Variants in CAPZB observed in about 807,000 individuals in gnomAD.
The protein encoded by CAPZB is F-actin-capping protein subunit beta.
In CAPZB, 2 loss-of-function variants were observed where a neutral mutation model predicts 38.1. The observed-to-expected ratio is 0.05, with a 90% CI of 0.02 to 0.17. The LOEUF (loss-of-function observed/expected upper bound fraction) is 0.17. CAPZB is among the 10% of genes least tolerant of loss of function. CAPZB has a pLI of 1.00. For missense variants in CAPZB, 161 were observed against 334.2 expected (o/e 0.48, Z 4.04); for synonymous variants, 107 against 127.4 (o/e 0.84, Z 1.08).
At chr1:19,468,858 C>T (rs892307391) in intron 1 of CAPZB, among the ~76,000 whole-genome samples, 7 of 152,208 alleles carry the variant, frequency 4.6e-5, no homozygotes, top group Non-Finnish European at 1.0e-4. Context: ...GCCCTCTCAC[C>T]TCCACTTCAA....
At chr1:19,373,914 C>T (rs978889267) in intron 4 of CAPZB, among the ~76,000 whole-genome samples, 7 of 152,018 alleles carry the variant, frequency 4.6e-5, no homozygotes, top group South Asian at 2.1e-4. Flanking sequence ...AGGCTGGTCT[C>T]GAGCTCCCGG....
At chr1:19,435,723 T>C (rs1248828948) in intron 1 of CAPZB, among the ~76,000 whole-genome samples, 3 of 152,086 alleles carry the variant, frequency 2.0e-5, no homozygotes, top group Admixed American at 2.0e-4. Context: ...GCTTACACAT[T>C]TAAATGGATG....
chr1:19,432,855 A>T (rs544376849), intron 1 of CAPZB, among the ~76,000 whole-genome samples: 1 of 152,336 alleles, frequency 6.6e-6, no homozygotes, highest in African/African-American at 2.4e-5. Flanking sequence ...ACAACTTGCA[A>T]GCTCACAAAA....
At chr1:19,466,443 G>A (rs764971169) in intron 1 of CAPZB, among the ~76,000 whole-genome samples, 1 of 152,248 alleles carries the variant, frequency 6.6e-6, no homozygotes, top group Non-Finnish European at 1.5e-5. Context: ...TAGATCACAT[G>A]TCTAGGTCAG....
intron 2 of CAPZB, among the ~76,000 whole-genome samples, chr1:19,394,567 A>G (rs2094255669): frequency 6.6e-6 from 1 of 152,132 alleles, no homozygotes; most frequent in South Asian, 2.1e-4. Flanking sequence ...CTAAAAATAC[A>G]AAAATTAGCC....
chr1:19,460,098 T>C (rs1055568454), intron 1 of CAPZB, among the ~76,000 whole-genome samples: 1 of 152,212 alleles, frequency 6.6e-6, no homozygotes, highest in Non-Finnish European at 1.5e-5. Flanking sequence ...CTGAGGTTAC[T>C]AAGATCTACA....
At chr1:19,399,519 G>T (rs996712199) in intron 2 of CAPZB, among the ~76,000 whole-genome samples, 1 of 152,152 alleles carries the variant, frequency 6.6e-6, no homozygotes, top group Non-Finnish European at 1.5e-5. Context: ...GTACTGCAGG[G>T]ACTTGCCACT....
intron 1 of CAPZB, among the ~76,000 whole-genome samples, chr1:19,455,397 C>T (rs772955544): frequency 1.4e-4 from 21 of 152,326 alleles, no homozygotes; most frequent in Middle Eastern, 3.4e-3. Context: ...TAGAAGAGGA[C>T]GATGAGAGAA....
chr1:19,391,558 CA>C (rs1378762257), intron 2 of CAPZB, among the ~76,000 whole-genome samples: 2 of 152,092 alleles, frequency 1.3e-5, no homozygotes, highest in Admixed American at 6.6e-5. Context: ...CCAGAAGGCC[CA>C]AAACTTTCTT....
At chr1:19,475,403 C>T (rs1450337121) in intron 1 of CAPZB, among the ~76,000 whole-genome samples, 2 of 152,196 alleles carry the variant, frequency 1.3e-5, no homozygotes, top group African/African-American at 2.4e-5. Flanking sequence ...AGTGTGACTT[C>T]AGGCCAAGCG....
intron 2 of CAPZB, among the ~76,000 whole-genome samples, chr1:19,395,770 A>C (rs1184237224): frequency 6.6e-6 from 1 of 152,212 alleles, no homozygotes; most frequent in Non-Finnish European, 1.5e-5. Context: ...GCTGCTTTTA[A>C]TTAAGGACTC....
intron 4 of CAPZB, among the ~76,000 whole-genome samples, chr1:19,377,844 G>A (rs1234441168): frequency 2.0e-5 from 3 of 152,240 alleles, no homozygotes; most frequent in African/African-American, 4.8e-5. Context: ...GGAGCAGGAA[G>A]AAATCTCAAC....
intron 1 of CAPZB, among the ~76,000 whole-genome samples, chr1:19,477,128 A>T (rs59252651): frequency 0.064 from 9,796 of 152,332 alleles, 1,034 homozygotes; most frequent in African/African-American, 0.22. Flanking sequence ...TGGCAGAAGG[A>T]AGGGGCCACT....
At chr1:19,422,210 A>AT (rs1413799810) in intron 1 of CAPZB, among the ~76,000 whole-genome samples, 32 of 152,140 alleles carry the variant, frequency 2.1e-4, no homozygotes, top group Non-Finnish European at 4.1e-4. Context: ...GTATGGAGAC[A>AT]TTTTTGTCAC....
In CAPZB at chr1:19,381,684, A is replaced by ATTT. The variant is rs869210528; in HGVS notation, c.216-3034_216-3032dup. Reference sequence around the variant, plus strand: ...AGGCATGTACCACCATGCCCAGCTAATTTTTTTTTTTTTTTTTTTTTTTTT... The same window carrying ATTT: ...AGGCATGTACCACCATGCCCAGCTAATTTTTTTTTTTTTTTTTTTTTTTTTTTT... On this transcript the variant is annotated intron_variant, in intron 3 of 8. Transcript: ENST00000264202. Among the ~76,000 whole-genome samples the ATTT allele has an allele frequency of 6.8e-3, 571 of 84,540 alleles. 31 individuals are homozygous for ATTT. The highest frequency in any genetic ancestry group is 0.016 in the African/African-American group (339 of 21,040). 55.5% of individuals were successfully genotyped at this position (84,540 alleles called of 152,430 possible).
intron 6 of CAPZB, among the ~76,000 whole-genome samples, chr1:19,352,968 A>G (rs1419776003): frequency 6.6e-6 from 1 of 152,246 alleles, no homozygotes; most frequent in Non-Finnish European, 1.5e-5. Context: ...GGCACAGGGC[A>G]TAGCCTGATG....
intron 2 of CAPZB, among the ~76,000 whole-genome samples, chr1:19,404,180 C>T (rs1480158916): frequency 7.1e-6 from 1 of 141,616 alleles, no homozygotes; most frequent in Non-Finnish European, 1.5e-5. Flanking sequence ...TTGCAGTGAG[C>T]CAAGATCGTA....
intron 1 of CAPZB, among the ~76,000 whole-genome samples, chr1:19,455,650 G>C (rs2094530803): frequency 6.6e-6 from 1 of 152,108 alleles, no homozygotes; most frequent in Non-Finnish European, 1.5e-5. Flanking sequence ...TGGGCCTTTG[G>C]ATTTGCATCC....
At chr1:19,443,277 T>C (rs1264457742) in intron 1 of CAPZB, among the ~76,000 whole-genome samples, 1 of 151,648 alleles carries the variant, frequency 6.6e-6, no homozygotes, top group African/African-American at 2.4e-5. Flanking sequence ...GTGCCTGTAG[T>C]CCCAGCTACT....
Sources: gnomAD v4.1 joint callset for allele counts (sites outside exome capture counted in the v4.1 genomes callset) on GRCh38, gnomAD v4.1.1 for gene constraint, MANE v1.5 for transcripts, NCBI Gene and HGNC (gene_info 2026-07-23, HGNC 2026-07-21) for gene names.